Variants in ZNF630 observed in about 807,000 individuals in gnomAD.
The protein encoded by ZNF630 is zinc finger protein 630.
A neutral mutation model predicts 7.2 loss-of-function variants in ZNF630; 5 were observed. That is an observed-to-expected ratio of 0.70 (90% confidence interval 0.36 to 1.46). The LOEUF (loss-of-function observed/expected upper bound fraction) is 1.46, where lower values mean the gene tolerates loss of function less well. ZNF630 is among the 40% of genes most tolerant of loss of function. ZNF630 has a pLI of 0.03. For missense variants in ZNF630, 461 were observed against 477.0 expected, an observed-to-expected ratio of 0.97 and a Z score of 0.31; for synonymous variants, 158 against 162.8, an observed-to-expected ratio of 0.97 and a Z score of 0.23.
intron 1 of ZNF630, among the ~76,000 whole-genome samples, chrX:48,069,967 C>T (rs1022945646): frequency 1.9e-5 from 2 of 107,740 alleles, no homozygotes; most frequent in East Asian, 5.8e-4. Flanking sequence ...ACTCCATTCT[C>T]CTGCCTCAGC....
rs782178025 is a variant in ZNF630 at position 48,059,875 on chromosome X, T to C, written c.567A>G (p.Ser189=). 9.1e-6 allele frequency: 11 copies of C among 1,206,393 alleles called. No homozygotes were observed. Among genetic ancestry groups the C allele is most frequent in the Non-Finnish European group, 1.2e-5 (11 of 892,879 alleles). The change falls in exon 5 of 5, where the codon TCA becomes TCG. Residue 189 remains serine, a synonymous_variant. Coordinates refer to ENST00000276054, the MANE Select transcript of ZNF630 (RefSeq NM_001282201.2). ...AGCTCCTGTTATAATTTAGTAAGTC[T>C]GAATTAGACTTCAAGCTATTTTCAC... ...DSCENSLKSN[S]DLLNYNRSYA... is the part of the protein sequence containing the mutation.
rs181787679 is a variant in ZNF630 at position 48,062,651 on chromosome X, T to C, written c.16-1706A>G. ...CAGGCGGCTGAGGCAGGAGACTTGC[T>C]TGAACCCAGGAGGCGGAGGATGCAG... is the stretch of plus-strand genomic sequence containing the variant. On this transcript the variant is annotated intron_variant, in intron 2 of 4. Coordinates refer to ENST00000276054, the MANE Select transcript of ZNF630 (RefSeq NM_001282201.2). Among the ~76,000 whole-genome samples the C allele has an allele frequency of 5.6e-3, 620 of 111,481 alleles. 2 individuals are homozygous for C. Among genetic ancestry groups the C allele is most frequent in the African/African-American group, 0.019 (584 of 30,379 alleles).
At chrX:48,062,994 G>A (rs1180587478) in intron 2 of ZNF630, among the ~76,000 whole-genome samples, 3 of 101,158 alleles carry the variant, frequency 3.0e-5, no homozygotes, top group African/African-American at 7.2e-5. Context: ...GGGAGGGAGG[G>A]AGGAAGGAAG....
At chrX:48,067,674 G>C (rs782181394) in intron 1 of ZNF630, among the ~76,000 whole-genome samples, 1 of 111,242 alleles carries the variant, frequency 9.0e-6, no homozygotes, top group East Asian at 2.8e-4. Context: ...GGTGGTGCAT[G>C]CTTGTAATCC....
At chrX:48,063,126 C>T (rs2146505133) in intron 2 of ZNF630, among the ~76,000 whole-genome samples, 1 of 109,502 alleles carries the variant, frequency 9.1e-6, no homozygotes, top group South Asian at 3.9e-4. Context: ...TATTGAGTAC[C>T]TAGCGAATAC....
rs2059098245 is a variant in ZNF630 at position 48,060,250 on chromosome X, C to T, written c.239-47G>A. ...AAAATCAAATACACACACACACACA[C>T]ACACACACACACACACACACACACA... is the stretch of plus-strand genomic sequence containing the variant. On this transcript the variant is annotated intron_variant, in intron 4 of 4. Transcript: ENST00000276054. The T allele has an allele frequency of 1.0e-5, 7 of 668,530 alleles. No homozygotes were observed. In the East Asian group the frequency reaches 3.0e-4, roughly 29 times the overall value. 55.1% of individuals were successfully genotyped at this position (668,530 alleles called of 1,213,427 possible). A position where few individuals can be genotyped will look rare whatever the true frequency, so the allele number is the denominator to read the frequency against.
In ZNF630 at chrX:48,059,405, G is replaced by A. The variant is rs782523512; in HGVS notation, c.1037C>T (p.Pro346Leu). Residue 346 changes from proline to leucine, a missense_variant, in exon 5 of 5, where the codon CCC becomes CTC. Coordinates refer to ENST00000276054, the MANE Select transcript of ZNF630 (RefSeq NM_001282201.2). ...VHQRVHTGEK[P>L]YECFECPKAF... ...TTTTGGACACTCAAAACACTCATAG[G>A]GTTTCTCTCCAGTATGGACTCTCTG... 8.3e-7 allele frequency: 1 copy of A among 1,207,835 alleles called. No individual in the cohort carries two copies. Among genetic ancestry groups the A allele is most frequent in the Non-Finnish European group, 1.1e-6 (1 of 893,149 alleles).
At position 48,066,924 on chromosome X, in the gene ZNF630, G is replaced by C; in HGVS notation, c.-38C>G. ...TTTGGAAAGCAGTTGGGGGCGGGGTGGGGTGCAGAAGAGTCTTCGGAGATC... is the reference window on the plus strand; with the variant it reads ...TTTGGAAAGCAGTTGGGGGCGGGGTCGGGTGCAGAAGAGTCTTCGGAGATC... On this transcript the variant is annotated 5_prime_UTR_variant, in exon 2 of 5. Transcript: ENST00000276054. 1 of 1,202,333 alleles carries C rather than the reference G, an allele frequency of 8.3e-7. No homozygotes were observed.
In ZNF630 at chrX:48,060,927, C is replaced by T; in HGVS notation, c.34G>A (p.Asp12Asn). 1 of 1,202,434 alleles carries T rather than the reference C, an allele frequency of 8.3e-7. No homozygotes were observed. ...TCCTGCGTGAAGTCCACAGCCACAT[C>T]CTCAAATGTCACTGGTTCCTATAAC... ...IESQEPVTFE[D>N]VAVDFTQEEW... Residue 12 changes from aspartate (D) to asparagine (N), a missense_variant, in exon 3 of 5, where the codon GAT becomes AAT. Coordinates refer to ENST00000276054, the MANE Select transcript of ZNF630 (RefSeq NM_001282201.2).
intron 2 of ZNF630, among the ~76,000 whole-genome samples, chrX:48,062,321 G>T: frequency 8.9e-6 from 1 of 112,689 alleles, no homozygotes; most frequent in Non-Finnish European, 1.9e-5. Context: ...CATGTGTGAA[G>T]ACACTGCTCT....
At chrX:48,062,977 G>GA (rs2059113682) in intron 2 of ZNF630, among the ~76,000 whole-genome samples, 2 of 67,088 alleles carry the variant, frequency 3.0e-5, no homozygotes, top group African/African-American at 4.7e-5. Flanking sequence ...AGAGAGAGAG[G>GA]GAGGGAGGGA....
At chrX:48,070,506 G>C (rs1218761316) in intron 1 of ZNF630, among the ~76,000 whole-genome samples, 2 of 107,210 alleles carry the variant, frequency 1.9e-5, no homozygotes, top group Non-Finnish European at 3.9e-5. Context: ...CCAGCTACTC[G>C]GGAGGCTGAG....
intron 2 of ZNF630, among the ~76,000 whole-genome samples, chrX:48,063,265 CAA>C (rs782317074): frequency 1.7e-4 from 5 of 30,129 alleles, no homozygotes; most frequent in African/African-American, 3.4e-4. Context: ...ACTACCTGGC[CAA>C]AAAAAAAAAA....
chrX:48,070,972 C>T (rs1395787849), intron 1 of ZNF630: 2 of 109,032 alleles, frequency 1.8e-5, no homozygotes, highest in African/African-American at 6.8e-5. Context: ...CCCCTATCCA[C>T]TCACCCCACG....
In ZNF630 at chrX:48,059,620, C is replaced by A; in HGVS notation, c.822G>T (p.Lys274Asn). 1 of 1,208,749 alleles carries A rather than the reference C, an allele frequency of 8.3e-7. No homozygotes were observed. The highest frequency in any genetic ancestry group is 1.1e-6 in the Non-Finnish European group (1 of 893,313). ...VCSMCGKAFI[K>N]KSQLIIHQRI... ...TTTGATGTATAATGAGCTGTGACTT[C>A]TTGATAAAGGCTTTCCCACACATAC... is the stretch of plus-strand genomic sequence containing the variant. Residue 274 changes from lysine (K) to asparagine (N), a missense_variant, in exon 5 of 5, where the codon AAG becomes AAT. By Grantham distance (94) the Lys-to-Asn change is moderately conservative. Coordinates refer to ENST00000276054, the MANE Select transcript of ZNF630 (RefSeq NM_001282201.2).
At chrX:48,062,079 T>G (rs1265474766) in intron 2 of ZNF630, among the ~76,000 whole-genome samples, 3 of 111,768 alleles carry the variant, frequency 2.7e-5, no homozygotes, top group African/African-American at 9.8e-5. Flanking sequence ...AGATGGGTGT[T>G]TGATAAGTCA....
At chrX:48,069,926 C>T (rs56187328) in intron 1 of ZNF630, among the ~76,000 whole-genome samples, 1,957 of 104,106 alleles carry the variant, frequency 0.019, 34 homozygotes, top group Middle Eastern at 0.044. Context: ...GGCGCGATCT[C>T]GGCTCACTGC....
Position 48,066,919 on chromosome X carries a change from G to A in ZNF630, c.-33C>T, listed in dbSNP as rs782601698. 1.2e-5 allele frequency: 15 copies of A among 1,202,011 alleles called. No homozygotes were observed. The highest frequency in any genetic ancestry group is 1.2e-4 in the South Asian group (7 of 56,178). ...TTCTCTTTGGAAAGCAGTTGGGGGCGGGGTGGGGTGCAGAAGAGTCTTCGG... is the reference window on the plus strand; with the variant it reads ...TTCTCTTTGGAAAGCAGTTGGGGGCAGGGTGGGGTGCAGAAGAGTCTTCGG... On this transcript the variant is annotated 5_prime_UTR_variant, in exon 2 of 5. Transcript: ENST00000276054.
At position 48,060,002 on chromosome X, in the gene ZNF630, AAT is replaced by A; in HGVS notation, c.438_439del (p.Leu147AspfsTer2). ...GTACTTGGAACCCATCTCATCAGTCAATGTTTCACGACTGATGACTGTGACCT... is the reference window on the plus strand; with the variant it reads ...GTACTTGGAACCCATCTCATCAGTCAGTTTCACGACTGATGACTGTGACCT... On this transcript the variant is annotated frameshift_variant, in exon 5 of 5. Coordinates refer to ENST00000276054, the MANE Select transcript of ZNF630 (RefSeq NM_001282201.2). LOFTEE classifies it low-confidence loss of function (END_TRUNC). The A allele has an allele frequency of 8.3e-7, 1 of 1,207,939 alleles. No individual in the cohort carries two copies. The highest frequency in any genetic ancestry group is 1.1e-6 in the Non-Finnish European group (1 of 892,867).
Sources: allele counts gnomAD v4.1 joint callset (sites outside exome capture counted in the v4.1 genomes callset), GRCh38; gene constraint gnomAD v4.1.1; transcripts MANE v1.5; gene names NCBI Gene and HGNC (gene_info 2026-07-23, HGNC 2026-07-21).